Variants in CELF2 observed in about 807,000 individuals in gnomAD.
CELF2 encodes the protein CUG triplet repeat RNA-binding protein 2.
CELF2 carries 8 observed loss-of-function variants against 62.6 expected under a neutral mutation model. The observed-to-expected ratio is 0.13, with a 90% CI of 0.07 to 0.23. CELF2 has a LOEUF of 0.23. Ranked by LOEUF, CELF2 falls within the 10% of genes least tolerant of loss-of-function variation. The pLI is 1.00. For missense variants in CELF2, 333 were observed against 671.0 expected (o/e 0.50, Z 5.56); for synonymous variants, 258 against 250.0 (o/e 1.03, Z -0.30).
chr10:11,123,416 A>C (rs1169410968), intron 1 of CELF2, among the ~76,000 whole-genome samples: 2 of 151,928 alleles, frequency 1.3e-5, no homozygotes, highest in Non-Finnish European at 2.9e-5. Context: ...ATCCCTGGCT[A>C]ATTATTTTAT....
the CELF2 span, among the ~76,000 whole-genome samples, chr10:10,636,161 A>C: frequency 6.6e-6 from 1 of 152,206 alleles, no homozygotes; most frequent in African/African-American, 2.4e-5. Context: ...CTGATCAATA[A>C]TATATACACA....
chr10:10,815,337 G>T (rs946983092), intron 1 of CELF2, among the ~76,000 whole-genome samples: 1 of 152,098 alleles, frequency 6.6e-6, no homozygotes, highest in Admixed American at 6.5e-5. Context: ...TAATATTTCT[G>T]CAGGAAAGGA....
At chr10:11,320,542 T>A (rs1195947698) in intron 10 of CELF2, among the ~76,000 whole-genome samples, 1 of 152,226 alleles carries the variant, frequency 6.6e-6, no homozygotes, top group East Asian at 1.9e-4. Context: ...TGTGCCTCAA[T>A]TCTTCATCAG....
chr10:10,794,772 A>T (rs934356822), upstream of CELF2: 1 of 152,226 alleles, frequency 6.6e-6, no homozygotes, highest in African/African-American at 2.4e-5. Flanking sequence ...TGCTGAAATA[A>T]GATGAGCTTC....
chr10:10,949,002 T>A (rs952903793), intron 2 of CELF2, among the ~76,000 whole-genome samples: 1 of 151,808 alleles, frequency 6.6e-6, no homozygotes, highest in Non-Finnish European at 1.5e-5. Flanking sequence ...GGACCTAGGT[T>A]CCCCCAAATG....
At chr10:10,577,363 T>TA in the CELF2 span, among the ~76,000 whole-genome samples, 1 of 143,160 alleles carries the variant, frequency 7.0e-6, no homozygotes, top group Admixed American at 7.0e-5. Context: ...CAACAAATCT[T>TA]TTTATTATTA....
At chr10:10,796,871 G>A, upstream of CELF2, 1 of 985,122 alleles carries the variant, frequency 1.0e-6, no homozygotes, top group Non-Finnish European at 1.2e-6. Flanking sequence ...GAAGAAGCTT[G>A]AAGTCCCAGA....
intron 1 of CELF2, among the ~76,000 whole-genome samples, chr10:11,051,469 G>T (rs1310633510): frequency 6.6e-6 from 1 of 152,146 alleles, no homozygotes; most frequent in Admixed American, 6.5e-5. Flanking sequence ...TACATAAACT[G>T]TACCAACAAC....
rs2094448992 is a variant in CELF2, at chr10:11,309,442, CA to C, written c.977-4693del. 6.6e-6 allele frequency among the ~76,000 whole-genome samples: 1 copy of C among 152,220 alleles called. No homozygotes were observed. The highest frequency in any genetic ancestry group is 3.2e-3 in the Middle Eastern group (1 of 316). On this transcript the variant is annotated intron_variant, in intron 9 of 12. Coordinates refer to ENST00000633077, the MANE Select transcript of CELF2 (RefSeq NM_001326342.2). This position sits in a 1 kb window ranked among gnomAD's most constrained non-coding sequence, Gnocchi z 5.6. ...TTCCTATTTTTCCTTTGTTAAATTA[CA>C]AAATTCTTCCAGACAGCTCCCTTTC... is the stretch of plus-strand genomic sequence containing the variant.
intron 12 of CELF2, 42 bp downstream of exon 12, chr10:11,326,021 CAAGTG>C (rs1186217222): frequency 7.6e-6 from 12 of 1,577,216 alleles, no homozygotes; most frequent in African/African-American, 1.4e-5. Context: ...AGTAGGTTCC[CAAGTG>C]AAGAGTCGTG....
At chr10:11,176,861 AG>A (rs779796535) in intron 2 of CELF2, among the ~76,000 whole-genome samples, 25 of 152,302 alleles carry the variant, frequency 1.6e-4, no homozygotes, top group Non-Finnish European at 3.4e-4. Flanking sequence ...TTGTACTGCA[AG>A]CTACACTCAG....
intron 11 of CELF2, among the ~76,000 whole-genome samples, chr10:11,323,647 C>T (rs2095571217): frequency 6.6e-6 from 1 of 152,042 alleles, no homozygotes; most frequent in Admixed American, 6.5e-5. Flanking sequence ...GTCCCCAGTT[C>T]TTTATGCCAG....
chr10:11,292,305 C>A (rs2092630472), intron 9 of CELF2, among the ~76,000 whole-genome samples: 1 of 152,162 alleles, frequency 6.6e-6, no homozygotes, highest in African/African-American at 2.4e-5. Context: ...ATTCCCTGCT[C>A]GCCTCACATA....
chr10:10,812,187 A>G (rs2055970201), intron 1 of CELF2, among the ~76,000 whole-genome samples: 1 of 152,206 alleles, frequency 6.6e-6, no homozygotes, highest in Non-Finnish European at 1.5e-5. Context: ...GGAAGGCCTC[A>G]CAATCATGGC....
At chr10:11,135,996 A>G (rs563161312) in intron 1 of CELF2, among the ~76,000 whole-genome samples, 1 of 152,334 alleles carries the variant, frequency 6.6e-6, no homozygotes, top group South Asian at 2.1e-4. Context: ...CCATTCAGCA[A>G]ATATTTACTG....
chr10:11,218,549 T>G (rs146717295), intron 3 of CELF2, among the ~76,000 whole-genome samples: 6 of 152,334 alleles, frequency 3.9e-5, no homozygotes, highest in Non-Finnish European at 8.8e-5. Context: ...GGCAAAAAGC[T>G]CAGCAAAAGA....
chr10:10,604,585 A>G, the CELF2 span, among the ~76,000 whole-genome samples: 18 of 152,350 alleles, frequency 1.2e-4, no homozygotes, highest in African/African-American at 4.1e-4. Flanking sequence ...TATTGAATTT[A>G]CTTAGCTGTT....
chr10:10,981,425 T>C (rs544083840), intron 2 of CELF2, among the ~76,000 whole-genome samples: 1 of 152,318 alleles, frequency 6.6e-6, no homozygotes, highest in Admixed American at 6.5e-5. Flanking sequence ...GTCTAATAGA[T>C]TCAAGGTTGA....
At chr10:10,828,761 C>T (rs1189327221) in intron 1 of CELF2, among the ~76,000 whole-genome samples, 1 of 152,082 alleles carries the variant, frequency 6.6e-6, no homozygotes, top group Non-Finnish European at 1.5e-5. Flanking sequence ...CAAGAATGTC[C>T]AGGGCTAAGA....
Sources: gnomAD v4.1 joint callset for allele counts (sites outside exome capture counted in the v4.1 genomes callset) on GRCh38, gnomAD v4.1.1 for gene constraint, Gnocchi (gnomAD v3.1) non-coding constraint, MANE v1.5 for transcripts, NCBI Gene and HGNC (gene_info 2026-07-23, HGNC 2026-07-21) for gene names.